ST3GAL2: variants seen among roughly 807,000 people sequenced by gnomAD.
ST3GAL2 encodes the protein CMP-N-acetylneuraminate-beta-galactosamide-alpha-2,3-sialyltransferase 2.
In ST3GAL2, 16 loss-of-function variants were observed where a neutral mutation model predicts 37.5. That is an observed-to-expected ratio of 0.43 (90% CI 0.29 to 0.65). ST3GAL2 has a LOEUF of 0.65. Among genes scored for constraint, ST3GAL2 ranks in the 30% least tolerant of loss-of-function variants. The pLI is 0.17. For synonymous variants in ST3GAL2, 238 were observed against 202.9 expected (o/e 1.17, Z -1.47); for missense variants, 383 against 487.8 (o/e 0.79, Z 2.02).
intron 1 of ST3GAL2, among the ~76,000 whole-genome samples, chr16:70,409,671 AC>A (rs1182599416): frequency 1.3e-5 from 2 of 150,596 alleles, no homozygotes; most frequent in African/African-American, 4.9e-5. Context: ...ACAGGATCTC[AC>A]TCTGCTGCCC....
At chr16:70,425,508 T>C (rs1195410913) in intron 1 of ST3GAL2, among the ~76,000 whole-genome samples, 2 of 151,976 alleles carry the variant, frequency 1.3e-5, no homozygotes, top group South Asian at 2.1e-4. Context: ...CCAGGTACCA[T>C]TTTGACCCAT....
chr16:70,387,967 C>T (rs772653670), intron 4 of ST3GAL2, among the ~76,000 whole-genome samples: 17 of 151,968 alleles, frequency 1.1e-4, no homozygotes, highest in Non-Finnish European at 8.8e-5. Flanking sequence ...ACAAAATTAG[C>T]CGGGCGTGGT....
intron 1 of ST3GAL2, among the ~76,000 whole-genome samples, chr16:70,422,611 G>C (rs1289494691): frequency 6.6e-6 from 1 of 152,098 alleles, no homozygotes; most frequent in Non-Finnish European, 1.5e-5. Context: ...CTCAGGAGCT[G>C]GTGAGCATTG....
chr16:70,413,329 T>G (rs536764908), intron 1 of ST3GAL2, among the ~76,000 whole-genome samples: 1 of 150,952 alleles, frequency 6.6e-6, no homozygotes, highest in African/African-American at 2.4e-5. Flanking sequence ...GGGGGCAGGA[T>G]CATTTGAACC....
chr16:70,433,053 C>CGA (rs1174380266), intron 1 of ST3GAL2, among the ~76,000 whole-genome samples: 1 of 152,226 alleles, frequency 6.6e-6, no homozygotes, highest in Non-Finnish European at 1.5e-5. Flanking sequence ...CACAGCTCCT[C>CGA]CAAAGCGAGG....
At chr16:70,427,867 A>G (rs191813271) in intron 1 of ST3GAL2, among the ~76,000 whole-genome samples, 172 of 152,318 alleles carry the variant, frequency 1.1e-3, no homozygotes, top group African/African-American at 3.9e-3. Flanking sequence ...CAGCAGTCCT[A>G]ACCACTTAAG....
At chr16:70,427,359 G>C (rs2047758668) in intron 1 of ST3GAL2, among the ~76,000 whole-genome samples, 1 of 130,856 alleles carries the variant, frequency 7.6e-6, no homozygotes, top group Non-Finnish European at 1.6e-5. Context: ...TTTTTTTTGA[G>C]ACTGAATCTC....
intron 1 of ST3GAL2, among the ~76,000 whole-genome samples, chr16:70,427,719 G>GA (rs2047761521): frequency 6.6e-6 from 1 of 152,108 alleles, no homozygotes; most frequent in Non-Finnish European, 1.5e-5. Flanking sequence ...AGTCATATGT[G>GA]AGCCCTCCTT....
chr16:70,389,608 G>A (rs1356706051), intron 3 of ST3GAL2, among the ~76,000 whole-genome samples: 1 of 151,990 alleles, frequency 6.6e-6, no homozygotes, highest in African/African-American at 2.4e-5. Flanking sequence ...GGGATTACAG[G>A]CGTTAGCCGC....
chr16:70,420,374 G>T (rs971741689), intron 1 of ST3GAL2, among the ~76,000 whole-genome samples: 3 of 152,178 alleles, frequency 2.0e-5, no homozygotes, highest in Admixed American at 1.3e-4. Context: ...TCACCTGGGA[G>T]ACCTAGGGAA....
intron 1 of ST3GAL2, among the ~76,000 whole-genome samples, chr16:70,434,643 C>T (rs1235140849): frequency 1.3e-5 from 2 of 152,174 alleles, no homozygotes; most frequent in Non-Finnish European, 2.9e-5. Context: ...AAAGCAGCGG[C>T]AACAACACCC....
chr16:70,437,501 C>G (rs535065927), intron 1 of ST3GAL2, among the ~76,000 whole-genome samples: 1 of 144,276 alleles, frequency 6.9e-6, no homozygotes, highest in Non-Finnish European at 1.5e-5. Context: ...CCCTCTGCCC[C>G]CCCCGCAAAA....
chr16:70,434,315 T>G, intron 1 of ST3GAL2, among the ~76,000 whole-genome samples: 1 of 151,958 alleles, frequency 6.6e-6, no homozygotes, highest in African/African-American at 2.4e-5. Context: ...TGCGTGCCTG[T>G]AATCCCAGCT....
chr16:70,381,732 A>G lies in ST3GAL2; in HGVS notation c.1010T>C (p.Met337Thr), dbSNP rs749865118. The G allele has an allele frequency of 6.2e-7, 1 of 1,614,074 alleles. No individual in the cohort carries two copies. ...DADFEAHIID[M>T]LAKASKIEVY... ...TTCGATCTTGCTGGCCTTGGCCAGC[A>G]TGTCGATGATGTGGGCCTCGAAGTC... The change falls in exon 7 of 7, where the codon ATG becomes ACG. Residue 337 changes from methionine (M) to threonine (T), a missense_variant. Around this residue, in one of 2 missense-constraint regions of ST3GAL2, gnomAD observed 160 missense variants for 248.6 expected, o/e 0.64. Coordinates refer to ENST00000342907, the MANE Select transcript of ST3GAL2 (RefSeq NM_006927.4).
chr16:70,423,595 T>A (rs1423713594), intron 1 of ST3GAL2, among the ~76,000 whole-genome samples: 3 of 152,120 alleles, frequency 2.0e-5, no homozygotes, highest in African/African-American at 7.2e-5. Flanking sequence ...TTGCCTCAGT[T>A]CTTCTACCTC....
At chr16:70,428,177 C>T (rs1045985187) in intron 1 of ST3GAL2, among the ~76,000 whole-genome samples, 1 of 152,240 alleles carries the variant, frequency 6.6e-6, no homozygotes, top group Non-Finnish European at 1.5e-5. Flanking sequence ...TCAGAATGAG[C>T]TCAGTCTTGC....
intron 2 of ST3GAL2, among the ~76,000 whole-genome samples, chr16:70,396,548 G>T (rs944063355): frequency 3.9e-5 from 6 of 152,230 alleles, no homozygotes; most frequent in South Asian, 2.1e-4. Flanking sequence ...AGGATGCAGT[G>T]AGCCAAGACT....
chr16:70,427,816 A>G (rs907823153), intron 1 of ST3GAL2, among the ~76,000 whole-genome samples: 1 of 152,158 alleles, frequency 6.6e-6, no homozygotes, highest in Non-Finnish European at 1.5e-5. Context: ...CGCTCTGTCT[A>G]CAACCATCAC....
intron 1 of ST3GAL2, among the ~76,000 whole-genome samples, chr16:70,437,443 C>T (rs943247878): frequency 6.6e-6 from 1 of 152,092 alleles, no homozygotes; most frequent in African/African-American, 2.4e-5. Flanking sequence ...CTTTCCTCCA[C>T]CCAACCCACT....
Sources: allele counts gnomAD v4.1 joint callset (sites outside exome capture counted in the v4.1 genomes callset), GRCh38; gene constraint gnomAD v4.1.1; regional missense constraint gnomAD v4.1.1; transcripts MANE v1.5; gene names NCBI Gene and HGNC (gene_info 2026-07-23, HGNC 2026-07-21).